TPM3: variants seen among roughly 807,000 people sequenced by gnomAD.
TPM3 encodes tropomyosin 3.
In TPM3, 16 loss-of-function variants were observed where a neutral mutation model predicts 43.1. That is an observed-to-expected ratio of 0.37 (90% confidence interval 0.25 to 0.56). The LOEUF is 0.56. Ranked by LOEUF, TPM3 falls within the 20% of genes least tolerant of loss-of-function variation. The pLI is 0.77. For synonymous variants in TPM3, 101 were observed against 116.9 expected (o/e 0.86, Z 0.88); for missense variants, 176 against 337.2 (o/e 0.52, Z 3.74).
chr1:154,167,780 G>A lies in TPM3; in HGVS notation c.*157C>T, dbSNP rs144482403. On this transcript the variant is annotated 3_prime_UTR_variant, in exon 10 of 10. Transcript: ENST00000651641. ...AGCTTAACATTTTAATTTGGGGTGG[G>A]GGTGGAAGAAAATACATAAGTTGCT... The A allele has an allele frequency of 1.2e-4, 179 of 1,550,882 alleles. No individual in the cohort carries two copies. In the African/African-American group the frequency reaches 2.0e-3, roughly 17 times the overall value.
At chr1:154,191,838 A>G in intron 1 of TPM3, 64 bp downstream of exon 1, 1 of 1,594,676 alleles carries the variant, frequency 6.3e-7, no homozygotes, top group Non-Finnish European at 8.6e-7. Context: ...TTTCCCATGA[A>G]AACTCCCTTC....
Position 154,192,003 on chromosome 1 carries a change from T to G in TPM3, c.16A>C (p.Lys6Gln). 1 of 1,613,756 alleles carries G rather than the reference T, an allele frequency of 6.2e-7. No homozygotes were observed. The highest frequency in any genetic ancestry group is 1.1e-5 in the South Asian group (1 of 91,084). The change falls in exon 1 of 10, where the codon AAG becomes CAG. Residue 6 changes from lysine (K) to glutamine (Q), a missense_variant. Lys to Gln is a moderately conservative substitution (Grantham distance 53, BLOSUM62 1). Transcript: ENST00000651641. MMEAI[K>Q]KKMQMLKLDK... ...AACTTCAGCATCTGCATCTTTTTCT[T>G]GATGGCCTCCATCATGAGCAGTGGC... is the stretch of plus-strand genomic sequence containing the variant.
intron 3 of TPM3, among the ~76,000 whole-genome samples, chr1:154,173,938 C>A (rs1017220306): frequency 6.6e-6 from 1 of 152,150 alleles, no homozygotes; most frequent in East Asian, 1.9e-4. Context: ...CAAGATCGCA[C>A]TGCTGCACTC....
chr1:154,182,816 G>T (rs1035320461), intron 2 of TPM3, among the ~76,000 whole-genome samples: 1 of 151,950 alleles, frequency 6.6e-6, no homozygotes, highest in Non-Finnish European at 1.5e-5. Flanking sequence ...TTTCCCCCTC[G>T]TCCGCTTGGT....
At chr1:154,182,960 T>G in intron 2 of TPM3, 1 of 1,610,274 alleles carries the variant, frequency 6.2e-7, no homozygotes, top group Non-Finnish European at 8.5e-7. Flanking sequence ...CGCCTGCCCC[T>G]CCCTCATGAG....
chr1:154,158,600 TACA>T (rs1327370236), downstream of TPM3: 1 of 363,556 alleles, frequency 2.8e-6, no homozygotes, highest in Middle Eastern at 7.9e-4. Flanking sequence ...ATGAAGCAGT[TACA>T]ACAACTTGTC....
intron 2 of TPM3, among the ~76,000 whole-genome samples, chr1:154,177,657 G>T (rs984464008): frequency 1.3e-5 from 2 of 152,152 alleles, no homozygotes; most frequent in South Asian, 2.1e-4. Flanking sequence ...CTATAGCCCA[G>T]ATTGTGCCTG....
At chr1:154,171,311 G>T (rs977138877) in intron 6 of TPM3, 102 bp downstream of exon 6, 1 of 1,226,332 alleles carries the variant, frequency 8.2e-7, no homozygotes, top group Non-Finnish European at 1.2e-6. Context: ...AAGAGGACAC[G>T]CCTCACTGGA....
downstream of TPM3, among the ~76,000 whole-genome samples, chr1:154,159,422 T>C (rs147675948): frequency 2.3e-3 from 347 of 152,332 alleles, 1 homozygote; most frequent in African/African-American, 8.0e-3. Context: ...TAATCAGGGT[T>C]TGAAAGGAAT....
chr1:154,175,544 A>G (rs1662212236), intron 3 of TPM3, among the ~76,000 whole-genome samples: 1 of 152,142 alleles, frequency 6.6e-6, no homozygotes, highest in African/African-American at 2.4e-5. Flanking sequence ...CCCCACATCC[A>G]AAGTTTCTGA....
chr1:154,174,644 C>G (rs911735333), intron 3 of TPM3, among the ~76,000 whole-genome samples: 1 of 150,058 alleles, frequency 6.7e-6, no homozygotes, highest in Non-Finnish European at 1.5e-5. Flanking sequence ...ACAGGCGCGC[C>G]CCACCACGCC....
chr1:154,175,288 G>A (rs186599599), intron 3 of TPM3, among the ~76,000 whole-genome samples: 11 of 135,890 alleles, frequency 8.1e-5, no homozygotes, highest in East Asian at 4.5e-4. Context: ...CCCAGATTGC[G>A]CCACTGCACT....
At chr1:154,180,395 AC>A (rs954553200) in intron 2 of TPM3, among the ~76,000 whole-genome samples, 1 of 152,044 alleles carries the variant, frequency 6.6e-6, no homozygotes, top group Non-Finnish European at 1.5e-5. Context: ...AGCCCAAGCA[AC>A]CCCCCTCCCT....
At chr1:154,182,919 G>C in intron 2 of TPM3, 2 of 1,605,296 alleles carry the variant, frequency 1.2e-6, no homozygotes, top group Non-Finnish European at 1.7e-6. Flanking sequence ...CACGGCAAAA[G>C]GGACCTTATT....
Position 154,191,245 on chromosome 1 carries a change from A to G in TPM3, c.184T>C (p.Ser62Pro). ...KGTEDELDKY[S>P]EALKDAQEKL... is the part of the protein sequence containing the mutation. ...TCCTGGGCATCCTTCAAAGCTTCAG[A>G]ATACTTGTCCAGCTCATCCTCTGTC... The change falls in exon 2 of 10, where the codon TCT (serine) becomes CCT (proline). Residue 62 changes from serine (S) to proline (P), a missense_variant. Transcript: ENST00000651641. 1 of 1,614,142 alleles carries G rather than the reference A, an allele frequency of 6.2e-7. No homozygotes were observed.
downstream of TPM3, chr1:154,157,379 T>C (rs1229958080): frequency 8.8e-6 from 5 of 566,638 alleles, no homozygotes; most frequent in Middle Eastern, 9.3e-4. Flanking sequence ...CAACATGCTT[T>C]TTAAAGACAT....
chr1:154,183,038 C>A (rs778504446), intron 2 of TPM3: 10 of 1,608,378 alleles, frequency 6.2e-6, no homozygotes, highest in Non-Finnish European at 8.5e-6. Context: ...AGGCGCTCAG[C>A]TCGCTCCTCT....
rs2148204892 is a variant in TPM3 at position 154,163,554 on chromosome 1, C to CT, written c.*4382dup. ...CCACTAGAAAGCATCCAACCCGGAA[C>CT]TTTTTAAAGAACTACTCAACCGTCT... On this transcript the variant is annotated 3_prime_UTR_variant, in exon 10 of 10. Transcript: ENST00000651641. 6.6e-6 allele frequency among the ~76,000 whole-genome samples: 1 copy of CT among 152,248 alleles called. No individual in the cohort carries two copies. The highest frequency in any genetic ancestry group is 1.5e-5 in the Non-Finnish European group (1 of 67,998).
At chr1:154,187,765 T>A (rs1367128146) in intron 2 of TPM3, among the ~76,000 whole-genome samples, 1 of 151,532 alleles carries the variant, frequency 6.6e-6, no homozygotes, top group African/African-American at 2.4e-5. Context: ...TGGAAACACC[T>A]CCTCAAGCCC....
Sources: allele counts gnomAD v4.1 joint callset (sites outside exome capture counted in the v4.1 genomes callset), GRCh38; gene constraint gnomAD v4.1.1; transcripts MANE v1.5; gene names NCBI Gene and HGNC (gene_info 2026-07-23, HGNC 2026-07-21).